The following LRFN2 variants were observed in gnomAD, a reference collection of about 807,000 sequenced individuals.
LRFN2 encodes the protein leucine-rich repeat and fibronectin type-III domain-containing protein 2.
In LRFN2, 18 loss-of-function variants were observed where a neutral mutation model predicts 37.3. That is an observed-to-expected ratio of 0.48 (90% CI 0.33 to 0.72). The LOEUF is 0.72. Among genes scored for constraint, LRFN2 ranks in the 30% least tolerant of loss-of-function variants. LRFN2 has a pLI of 0.02. For missense variants in LRFN2, 1,006 were observed against 1,060.7 expected, an observed-to-expected ratio of 0.95 and a Z score of 0.72; for synonymous variants, 556 against 466.6, an observed-to-expected ratio of 1.19 and a Z score of -2.47.
Position 40,524,097 on chromosome 6 carries a change from G to A in LRFN2, c.-19+62844C>T, listed in dbSNP as rs186310765. 1.6e-4 allele frequency among the ~76,000 whole-genome samples: 25 copies of A among 152,288 alleles called. No individual in the cohort carries two copies. The East Asian group carries it at 3.9e-3, about 24-fold the overall frequency. On this transcript the variant is annotated intron_variant, in intron 1 of 2. Coordinates refer to ENST00000338305, the MANE Select transcript of LRFN2 (RefSeq NM_020737.3). ...TTCCTCATCATCGTGAACAACAGGGGTACAGGAAAACTGGGGGATAATGTC... is the reference window on the plus strand; with the variant it reads ...TTCCTCATCATCGTGAACAACAGGGATACAGGAAAACTGGGGGATAATGTC...
At chr6:40,490,510 G>T (rs1437023840) in intron 1 of LRFN2, among the ~76,000 whole-genome samples, 2 of 152,194 alleles carry the variant, frequency 1.3e-5, no homozygotes, top group Non-Finnish European at 2.9e-5. Flanking sequence ...CAGGGGAAAA[G>T]ATTTTCAAGG....
chr6:40,482,079 G>A (rs1764843534), intron 1 of LRFN2, among the ~76,000 whole-genome samples: 1 of 152,182 alleles, frequency 6.6e-6, no homozygotes, highest in African/African-American at 2.4e-5. Context: ...CTGCAGCCAG[G>A]CAGTGTGACA....
At chr6:40,579,018 CCAAGGA>C (rs1220397444) in intron 1 of LRFN2, among the ~76,000 whole-genome samples, 2 of 152,182 alleles carry the variant, frequency 1.3e-5, no homozygotes, top group Non-Finnish European at 2.9e-5. Context: ...CATAAACTTC[CCAAGGA>C]CAAGGACTGG....
intron 1 of LRFN2, among the ~76,000 whole-genome samples, chr6:40,498,487 C>T (rs1765289659): frequency 6.6e-6 from 1 of 152,170 alleles, no homozygotes; most frequent in African/African-American, 2.4e-5. Context: ...ACTGTGGCTG[C>T]CTTCACATAC....
intron 1 of LRFN2, among the ~76,000 whole-genome samples, chr6:40,464,931 A>G (rs1205088680): frequency 2.0e-5 from 3 of 152,154 alleles, no homozygotes; most frequent in Non-Finnish European, 4.4e-5. Flanking sequence ...TCATCCCTAG[A>G]GCCTATGAAT....
intron 1 of LRFN2, among the ~76,000 whole-genome samples, chr6:40,507,758 T>C (rs759402732): frequency 4.5e-4 from 69 of 152,320 alleles, no homozygotes; most frequent in Non-Finnish European, 8.8e-4. Context: ...TGATCATGCC[T>C]CTTGTAGATT....
chr6:40,542,497 G>A (rs917051479), intron 1 of LRFN2, among the ~76,000 whole-genome samples: 2 of 152,094 alleles, frequency 1.3e-5, no homozygotes, highest in African/African-American at 4.8e-5. Flanking sequence ...GAGATACACA[G>A]ACATCCCAGC....
At chr6:40,522,284 G>T (rs561743453) in intron 1 of LRFN2, among the ~76,000 whole-genome samples, 1 of 152,216 alleles carries the variant, frequency 6.6e-6, no homozygotes, top group Non-Finnish European at 1.5e-5. Context: ...CCTAGAGGGT[G>T]CCCAGGAAGG....
intron 1 of LRFN2, among the ~76,000 whole-genome samples, chr6:40,495,992 T>C (rs977005330): frequency 1.7e-4 from 26 of 152,042 alleles, no homozygotes; most frequent in African/African-American, 5.6e-4. Context: ...CATTCCCTCT[T>C]CTCACTCCAA....
At chr6:40,459,437 A>T (rs776339091) in intron 1 of LRFN2, among the ~76,000 whole-genome samples, 7 of 152,228 alleles carry the variant, frequency 4.6e-5, no homozygotes, top group Admixed American at 6.5e-5. Flanking sequence ...ACTCCTTAGT[A>T]AATTGCAAAC....
chr6:40,572,912 T>C (rs1372031996), intron 1 of LRFN2, among the ~76,000 whole-genome samples: 1 of 152,138 alleles, frequency 6.6e-6, no homozygotes, highest in Non-Finnish European at 1.5e-5. Context: ...TAATGACAAC[T>C]ACATCAAATA....
chr6:40,563,543 A>G (rs1450696875), intron 1 of LRFN2, among the ~76,000 whole-genome samples: 1 of 152,122 alleles, frequency 6.6e-6, no homozygotes, highest in Non-Finnish European at 1.5e-5. Flanking sequence ...GCTATTTTTA[A>G]AACACTGTTT....
At chr6:40,504,772 C>T (rs1434235107) in intron 1 of LRFN2, among the ~76,000 whole-genome samples, 3 of 152,060 alleles carry the variant, frequency 2.0e-5, no homozygotes, top group Non-Finnish European at 2.9e-5. Context: ...ATTTCCAAAG[C>T]TCTTTCGTAT....
intron 1 of LRFN2, among the ~76,000 whole-genome samples, chr6:40,566,372 T>C (rs1182119474): frequency 6.6e-6 from 1 of 152,190 alleles, no homozygotes; most frequent in African/African-American, 2.4e-5. Flanking sequence ...GACCCAGCCA[T>C]CCCATTACTG....
intron 1 of LRFN2, among the ~76,000 whole-genome samples, chr6:40,561,663 TACTC>T (rs1354424978): frequency 1.3e-5 from 2 of 152,190 alleles, no homozygotes; most frequent in Non-Finnish European, 2.9e-5. Flanking sequence ...GATAGAAACT[TACTC>T]AGCATGGAAA....
chr6:40,439,123 G>A (rs534549826), intron 1 of LRFN2, among the ~76,000 whole-genome samples: 2 of 152,166 alleles, frequency 1.3e-5, no homozygotes, highest in South Asian at 4.2e-4. Context: ...GACAGAAGAG[G>A]CAACAGTTAG....
intron 1 of LRFN2, among the ~76,000 whole-genome samples, chr6:40,568,476 A>G (rs554109501): frequency 6.6e-6 from 1 of 152,210 alleles, no homozygotes; most frequent in Non-Finnish European, 1.5e-5. Context: ...GGGCAAAAAA[A>G]AGTTATGTAT....
intron 1 of LRFN2, among the ~76,000 whole-genome samples, chr6:40,460,231 A>T (rs1462458603): frequency 6.6e-6 from 1 of 152,208 alleles, no homozygotes; most frequent in Non-Finnish European, 1.5e-5. Flanking sequence ...CTGTCAATTA[A>T]GTCAAACATC....
intron 1 of LRFN2, among the ~76,000 whole-genome samples, chr6:40,551,881 C>T (rs1369333932): frequency 3.3e-5 from 5 of 152,064 alleles, no homozygotes; most frequent in African/African-American, 9.7e-5. Flanking sequence ...GAAAGATCAG[C>T]GGTAGAAGGA....
Sources: allele counts gnomAD v4.1 joint callset (sites outside exome capture counted in the v4.1 genomes callset), GRCh38; gene constraint gnomAD v4.1.1; transcripts MANE v1.5; gene names NCBI Gene and HGNC (gene_info 2026-07-23, HGNC 2026-07-21).